PRRC2A: variants seen among roughly 807,000 people sequenced by gnomAD.
PRRC2A encodes the protein protein PRRC2A.
Under a neutral mutation model 224.6 loss-of-function variants are expected in PRRC2A, and 59 were observed. The observed-to-expected ratio is 0.26, with a 90% CI of 0.21 to 0.33. The LOEUF (loss-of-function observed/expected upper bound fraction) is 0.33. PRRC2A is among the 10% of genes least tolerant of loss of function. The pLI, the probability that PRRC2A is intolerant of heterozygous loss-of-function variation, is 1.00. For missense variants in PRRC2A, 3,095 were observed against 2,880.7 expected (o/e 1.07, Z -1.70); for synonymous variants, 1,194 against 1,109.5 (o/e 1.08, Z -1.51).
intron 12 of PRRC2A, chr6:31,628,849 A>T (rs1296149390): frequency 5.2e-6 from 2 of 385,300 alleles, no homozygotes; most frequent in Non-Finnish European, 9.3e-6. Flanking sequence ...TCAAAAAAAA[A>T]TCCTGTCTCA....
chr6:31,628,169 G>T lies in PRRC2A; in HGVS notation c.1695G>T (p.Ala565=). ...CTACTCCTACTCCAGGTGTGGCTGCGGCTCCCACTCTGGTGAGTGGTGGTG... is the reference window on the plus strand; with the variant it reads ...CTACTCCTACTCCAGGTGTGGCTGCTGCTCCCACTCTGGTGAGTGGTGGTG... ...AQSTPTPGVA[A]APTLVSGGGS... is the part of the protein sequence containing the mutation. Residue 565 remains alanine, a synonymous_variant, in exon 12 of 31, where the codon GCG becomes GCT. Transcript: ENST00000376033. 1 of 1,613,048 alleles carries T rather than the reference G, an allele frequency of 6.2e-7. No individual in the cohort carries two copies. The highest frequency in any genetic ancestry group is 8.5e-7 in the Non-Finnish European group (1 of 1,180,022).
chr6:31,629,925 C>A, intron 14 of PRRC2A, 80 bp downstream of exon 14: 2 of 1,569,496 alleles, frequency 1.3e-6, no homozygotes, highest in Non-Finnish European at 1.7e-6. Context: ...TACTGTGACT[C>A]TGGTACGATA....
In PRRC2A at chr6:31,632,283, C is replaced by T; in HGVS notation, c.3610C>T (p.Pro1204Ser). 6.2e-7 allele frequency: 1 copy of T among 1,613,162 alleles called. No homozygotes were observed. The highest frequency in any genetic ancestry group is 8.5e-7 in the Non-Finnish European group (1 of 1,180,012). ...PKKPPTGPLPPSKEPLKEKLI... is the reference protein window; with the variant it reads ...PKKPPTGPLPSSKEPLKEKLI... ...GAAACCTCCCACAGGCCCTTTGCCA[C>T]CAAGTAAGGAGCCTTTGAAAGAGAA... Residue 1204 changes from proline to serine, a missense_variant, in exon 16 of 31, where the codon CCA becomes TCA. Physicochemically the swap from Pro to Ser is moderately conservative, Grantham distance 74 (BLOSUM62 -1). Transcript: ENST00000376033.
Position 31,630,625 on chromosome 6 carries a change from C to G in PRRC2A, c.2289C>G (p.Gly763=). Residue 763 remains glycine (G), a synonymous_variant, in exon 15 of 31, where the codon GGC becomes GGG. Coordinates refer to ENST00000376033, the MANE Select transcript of PRRC2A (RefSeq NM_004638.4). ...LVPRERSDSG[G]SSSEPFDRHA... is the part of the protein sequence containing the mutation. Reference sequence around the variant, plus strand: ...CCCGAGAGCGTTCAGACAGTGGGGGCTCAAGCTCAGAGCCATTTGACCGTC... The same window carrying G: ...CCCGAGAGCGTTCAGACAGTGGGGGGTCAAGCTCAGAGCCATTTGACCGTC... 1.2e-6 allele frequency: 2 copies of G among 1,614,070 alleles called. No homozygotes were observed. The highest frequency in any genetic ancestry group is 8.5e-7 in the Non-Finnish European group (1 of 1,179,998).
rs1159270368 is a variant in PRRC2A, at chr6:31,622,769, A to C, written c.-21A>C. ...GGGAGGTGCCTGCAGGACCCAACAT[A>C]CTCAATGAGCTTCCAGCGCAATGTC... On this transcript the variant is annotated 5_prime_UTR_variant, in exon 2 of 31. Transcript: ENST00000376033. The C allele has an allele frequency of 6.2e-7, 1 of 1,601,046 alleles. No homozygotes were observed. Among genetic ancestry groups the C allele is most frequent in the Non-Finnish European group, 8.5e-7 (1 of 1,171,266 alleles).
At position 31,631,736 on chromosome 6, in the gene PRRC2A, C is replaced by T. The variant is rs1377346109; in HGVS notation, c.3063C>T (p.Thr1021=). ...ATTCGTATGAAAGAGTGGGTCCTAC[C>T]TCTTGCCGGGGTCGGGGCCGAGGCG... ...RDYSYERVGP[T]SCRGRGRGEY... is the part of the protein sequence containing the mutation. Residue 1021 remains threonine (T), a synonymous_variant, in exon 16 of 31, where the codon ACC becomes ACT. Transcript: ENST00000376033. The surrounding 1 kb of genome is among the most constrained non-coding windows in gnomAD (Gnocchi z 4.5). The T allele has an allele frequency of 3.3e-6, 5 of 1,532,242 alleles. No homozygotes were observed. The highest frequency in any genetic ancestry group is 4.5e-5 in the East Asian group (2 of 44,032). The allele number at this position is 1,532,242 out of a possible 1,614,324, so 94.9% of individuals were successfully genotyped here.
rs1369990643 is a variant in PRRC2A at position 31,624,258 on chromosome 6, C to T, written c.291-3C>T. On this transcript the variant is annotated splice_polypyrimidine_tract_variant and splice_region_variant and intron_variant, in intron 3 of 30. Transcript: ENST00000376033. ...GAATAACCTTCCCATTCTGTCCCCTCAGTTCCGATGCCTCAACCGCTCAGC... is the reference window on the plus strand; with the variant it reads ...GAATAACCTTCCCATTCTGTCCCCTTAGTTCCGATGCCTCAACCGCTCAGC... 1 of 1,613,130 alleles carries T rather than the reference C, an allele frequency of 6.2e-7. No individual in the cohort carries two copies. Among genetic ancestry groups the T allele is most frequent in the Admixed American group, 1.7e-5 (1 of 60,016 alleles).
In PRRC2A at chr6:31,630,710, G is replaced by A. The variant is rs765820845; in HGVS notation, c.2374G>A (p.Val792Ile). Residue 792 changes from valine (V) to isoleucine (I), a missense_variant, in exon 15 of 31, where the codon GTA becomes ATA. By Grantham distance (29) the Val-to-Ile change is conservative. Coordinates refer to ENST00000376033, the MANE Select transcript of PRRC2A (RefSeq NM_004638.4). The part of the protein sequence containing the change: ...TPPVDPKLAW[V>I]GDVFTATPAE... The stretch of plus-strand genomic sequence containing the variant: ...ACCGGTGGATCCAAAGTTGGCCTGG[G>A]TAGGAGATGTCTTCACCGCCACACC... 4 of 1,614,068 alleles carry A rather than the reference G, an allele frequency of 2.5e-6. No homozygotes were observed. The South Asian group carries it at 4.4e-5, about 18-fold the overall frequency.
At chr6:31,629,054 G>A in intron 12 of PRRC2A, 90 bp from the exon 13 acceptor site, 1 of 1,306,066 alleles carries the variant, frequency 7.7e-7, no homozygotes, top group South Asian at 1.2e-5. Context: ...TAGTCTTAAG[G>A]GAGCTAGAGA....
At chr6:31,624,697 G>A (rs1312601279) in intron 5 of PRRC2A, among the ~76,000 whole-genome samples, 175 bp downstream of exon 5, 1 of 152,216 alleles carries the variant, frequency 6.6e-6, no homozygotes, top group Non-Finnish European at 1.5e-5. Flanking sequence ...ATGATGGAGT[G>A]TAGTGGTGCC....
In PRRC2A at chr6:31,634,941, G is replaced by A; in HGVS notation, c.5124G>A (p.Arg1708=). The part of the protein sequence containing the change: ...CEGPPGSEPP[R]RPPPAPHDGD... ...GTCCACCTGGCTCTGAACCTCCTAG[G>A]AGACCACCACCTGCCCCCCACGATG... The change falls in exon 21 of 31, where the codon AGG becomes AGA. Residue 1708 remains arginine, a synonymous_variant. Transcript: ENST00000376033. The A allele has an allele frequency of 1.2e-5, 19 of 1,612,804 alleles. No homozygotes were observed. The highest frequency in any genetic ancestry group is 1.6e-5 in the Non-Finnish European group (19 of 1,179,934).
rs542573524 is a variant in PRRC2A, at chr6:31,628,927, C to A, written c.1766-217C>A. On this transcript the variant is annotated intron_variant, in intron 12 of 30. Coordinates refer to ENST00000376033, the MANE Select transcript of PRRC2A (RefSeq NM_004638.4). The stretch of plus-strand genomic sequence containing the variant: ...CAAGACTGAAGAAAGTACTGTTGTT[C>A]TAATGGTTTCATAGAAAGTTAATGC... The A allele has an allele frequency of 1.1e-4, 60 of 556,978 alleles. No homozygotes were observed. The South Asian group carries it at 1.3e-3, about 12-fold the overall frequency. The allele number at this position is 556,978 out of a possible 1,614,324, so 34.5% of individuals were successfully genotyped here.
chr6:31,634,869 C>T lies in PRRC2A; in HGVS notation c.5052C>T (p.Pro1684=). ...GGLKGAAEGP[P]KRPGGSSPLN... is the part of the protein sequence containing the mutation. ...TCAAGGGGGCAGCAGAGGGACCCCCCAAGAGGCCTGGAGGCTCCTCACCCC... is the reference window on the plus strand; with the variant it reads ...TCAAGGGGGCAGCAGAGGGACCCCCTAAGAGGCCTGGAGGCTCCTCACCCC... The change falls in exon 21 of 31, where the codon CCC becomes CCT. Residue 1684 remains proline (P), a synonymous_variant. Transcript: ENST00000376033. The T allele has an allele frequency of 1.2e-6, 2 of 1,613,014 alleles. No homozygotes were observed. The highest frequency in any genetic ancestry group is 1.7e-6 in the Non-Finnish European group (2 of 1,179,994).
chr6:31,621,651 C>T (rs1004273160), intron 1 of PRRC2A, among the ~76,000 whole-genome samples: 1 of 152,156 alleles, frequency 6.6e-6, no homozygotes, highest in Non-Finnish European at 1.5e-5. Flanking sequence ...AAGCAACATC[C>T]ATCTTATCTC....
At position 31,636,111 on chromosome 6, in the gene PRRC2A, G is replaced by T; in HGVS notation, c.5624+62G>T. Reference sequence around the variant, plus strand: ...GAGATGTGTTTCGGGGAGAGGGAAGGGGAAGACACAGTTCTAGGGTACTAG... The same window carrying T: ...GAGATGTGTTTCGGGGAGAGGGAAGTGGAAGACACAGTTCTAGGGTACTAG... On this transcript the variant is annotated intron_variant, in intron 25 of 30. Coordinates refer to ENST00000376033, the MANE Select transcript of PRRC2A (RefSeq NM_004638.4). This position sits in a 1 kb window ranked among gnomAD's most constrained non-coding sequence, Gnocchi z 4.3. The T allele has an allele frequency of 6.4e-7, 1 of 1,568,736 alleles. No individual in the cohort carries two copies. Among genetic ancestry groups the T allele is most frequent in the Non-Finnish European group, 8.8e-7 (1 of 1,139,438 alleles).
chr6:31,627,209 C>T lies in PRRC2A; in HGVS notation c.1290+11C>T. 1 of 1,561,104 alleles carries T rather than the reference C, an allele frequency of 6.4e-7. No homozygotes were observed. The highest frequency in any genetic ancestry group is 8.8e-7 in the Non-Finnish European group (1 of 1,135,966). ...CCTGGGGACTACCCAGTGAGTGTCT[C>T]CAATAAGGGATTGAGAGGGTCAGCT... On this transcript the variant is annotated intron_variant, in intron 11 of 30. Coordinates refer to ENST00000376033, the MANE Select transcript of PRRC2A (RefSeq NM_004638.4). The surrounding 1 kb of genome is among the most constrained non-coding windows in gnomAD (Gnocchi z 5.6).
At position 31,625,879 on chromosome 6, in the gene PRRC2A, A is replaced by G; in HGVS notation, c.839+8A>G. 3 of 1,584,552 alleles carry G rather than the reference A, an allele frequency of 1.9e-6. No individual in the cohort carries two copies. Among genetic ancestry groups the G allele is most frequent in the Non-Finnish European group, 1.7e-6 (2 of 1,154,648 alleles). On this transcript the variant is annotated splice_region_variant and intron_variant, in intron 8 of 30. Coordinates refer to ENST00000376033, the MANE Select transcript of PRRC2A (RefSeq NM_004638.4). The surrounding 1 kb of genome is among the most constrained non-coding windows in gnomAD (Gnocchi z 4.1). Reference sequence around the variant, plus strand: ...CACTCCTGATGGGCCCAGGTGAGCAATCCAGGTCTGGGTTTGTGGCTGGGG... The same window carrying G: ...CACTCCTGATGGGCCCAGGTGAGCAGTCCAGGTCTGGGTTTGTGGCTGGGG...
chr6:31,625,902 G>C lies in PRRC2A; in HGVS notation c.839+31G>C. On this transcript the variant is annotated intron_variant, in intron 8 of 30. Coordinates refer to ENST00000376033, the MANE Select transcript of PRRC2A (RefSeq NM_004638.4). The surrounding 1 kb of genome is among the most constrained non-coding windows in gnomAD (Gnocchi z 4.1). ...CAATCCAGGTCTGGGTTTGTGGCTG[G>C]GGGCAGGGGAAGCTTATTGGGGGAG... The C allele has an allele frequency of 3.2e-6, 5 of 1,581,404 alleles. No individual in the cohort carries two copies. The South Asian group carries it at 5.6e-5, about 18-fold the overall frequency.
Position 31,631,550 on chromosome 6 carries a change from A to G in PRRC2A, c.2877A>G (p.Thr959=). ...AGPIKKPPPP[T]KVEELPPKPL... Reference sequence around the variant, plus strand: ...CTATAAAGAAACCTCCACCACCTACAAAAGTAGAAGAGCTGCCTCCCAAGC... The same window carrying G: ...CTATAAAGAAACCTCCACCACCTACGAAAGTAGAAGAGCTGCCTCCCAAGC... The change falls in exon 16 of 31, where the codon ACA becomes ACG. Residue 959 remains threonine, a synonymous_variant. Transcript: ENST00000376033. The surrounding 1 kb of genome is among the most constrained non-coding windows in gnomAD (Gnocchi z 4.5). The G allele has an allele frequency of 6.3e-7, 1 of 1,594,314 alleles. No homozygotes were observed. Among genetic ancestry groups the G allele is most frequent in the Non-Finnish European group, 8.5e-7 (1 of 1,173,658 alleles).
Sources: gnomAD v4.1 joint callset for allele counts (sites outside exome capture counted in the v4.1 genomes callset) on GRCh38, gnomAD v4.1.1 for gene constraint, Gnocchi (gnomAD v3.1) non-coding constraint, MANE v1.5 for transcripts, NCBI Gene and HGNC (gene_info 2026-07-23, HGNC 2026-07-21) for gene names.